NELL2: variants seen among roughly 807,000 people sequenced by gnomAD.
The protein encoded by NELL2 is protein kinase C-binding protein NELL2.
Under a neutral mutation model 109.6 loss-of-function variants are expected in NELL2, and 41 were observed. The observed-to-expected ratio is 0.37, with a 90% CI of 0.29 to 0.49. NELL2 has a LOEUF of 0.49. NELL2 is among the 20% of genes least tolerant of loss of function. The pLI, the probability that NELL2 is intolerant of heterozygous loss-of-function variation, is 0.98. For missense variants in NELL2, 900 were observed against 1,008.3 expected (o/e 0.89, Z 1.45); for synonymous variants, 355 against 344.7 (o/e 1.03, Z -0.33).
chr12:44,576,906 T>C (rs1220152583), intron 15 of NELL2, among the ~76,000 whole-genome samples: 1 of 148,346 alleles, frequency 6.7e-6, no homozygotes, highest in Non-Finnish European at 1.5e-5. Flanking sequence ...TAGTATTCCA[T>C]GGTGTATATG....
chr12:44,620,126 T>G (rs933015312), intron 13 of NELL2, among the ~76,000 whole-genome samples: 37 of 151,124 alleles, frequency 2.4e-4, no homozygotes, highest in Non-Finnish European at 3.5e-4. Flanking sequence ...GTTTTGTTTT[T>G]TTTTTTTTTT....
At chr12:44,723,229 C>G (rs531208896) in intron 9 of NELL2, among the ~76,000 whole-genome samples, 1 of 151,538 alleles carries the variant, frequency 6.6e-6, no homozygotes, top group Non-Finnish European at 1.5e-5. Flanking sequence ...GCATGCTAGA[C>G]GAGTTAAAAA....
chr12:44,704,327 C>T (rs199772496), intron 11 of NELL2, among the ~76,000 whole-genome samples: 2 of 105,554 alleles, frequency 1.9e-5, no homozygotes, highest in Non-Finnish European at 4.7e-5. Context: ...CCAAAAAAAA[C>T]AAAACCTTTC....
chr12:44,741,410 A>G (rs377041041), intron 9 of NELL2, among the ~76,000 whole-genome samples: 32 of 152,246 alleles, frequency 2.1e-4, no homozygotes, highest in African/African-American at 5.1e-4. Flanking sequence ...TGCATTTCCA[A>G]CTGAAGTACC....
At chr12:44,699,165 T>A (rs1389883039) in intron 12 of NELL2, among the ~76,000 whole-genome samples, 1 of 152,146 alleles carries the variant, frequency 6.6e-6, no homozygotes, top group Non-Finnish European at 1.5e-5. Context: ...TTATATGTAG[T>A]GACAAAATAC....
intron 9 of NELL2, among the ~76,000 whole-genome samples, chr12:44,746,179 C>A (rs1349422714): frequency 6.6e-6 from 1 of 152,056 alleles, no homozygotes; most frequent in African/African-American, 2.4e-5. Flanking sequence ...ACAAACCTGA[C>A]AAAAACAAGA....
chr12:44,783,972 C>T (rs936225971), intron 3 of NELL2, among the ~76,000 whole-genome samples: 1 of 151,934 alleles, frequency 6.6e-6, no homozygotes, highest in African/African-American at 2.4e-5. Context: ...CAATGATATA[C>T]CATAATCAAG....
chr12:44,703,379 C>G (rs1346455149), intron 12 of NELL2, among the ~76,000 whole-genome samples: 1 of 152,098 alleles, frequency 6.6e-6, no homozygotes, highest in Non-Finnish European at 1.5e-5. Context: ...TTACACAACA[C>G]TGTCTGGAAA....
intron 8 of NELL2, among the ~76,000 whole-genome samples, chr12:44,775,236 C>T (rs571434079): frequency 6.7e-6 from 1 of 148,646 alleles, no homozygotes; most frequent in Admixed American, 6.6e-5. Flanking sequence ...CGCACACACA[C>T]ATGCATGTGC....
chr12:44,711,994 G>A (rs1566216085), intron 10 of NELL2, among the ~76,000 whole-genome samples: 1 of 151,994 alleles, frequency 6.6e-6, no homozygotes, highest in Non-Finnish European at 1.5e-5. Flanking sequence ...TAAAATCACT[G>A]TAGTTCTTGC....
At chr12:44,906,529 T>C (rs184974856) in intron 1 of NELL2, among the ~76,000 whole-genome samples, 51 of 152,076 alleles carry the variant, frequency 3.4e-4, no homozygotes, top group Admixed American at 1.3e-3. Flanking sequence ...TGGGTAGATA[T>C]GGTGAGAAGT....
At chr12:44,521,508 C>T (rs1343341405) in intron 18 of NELL2, among the ~76,000 whole-genome samples, 3 of 136,562 alleles carry the variant, frequency 2.2e-5, no homozygotes, top group East Asian at 2.0e-4. Context: ...CCAGCCTGGG[C>T]GACAGAGCGA....
At chr12:44,918,517 A>ATATGTG (rs748382812), upstream of NELL2, among the ~76,000 whole-genome samples, 1 of 123,884 alleles carries the variant, frequency 8.1e-6, no homozygotes, top group Non-Finnish European at 1.7e-5. Flanking sequence ...GCATGCATGT[A>ATATGTG]TGTGTGTGTG....
At chr12:44,762,150 A>G (rs1375444534) in intron 9 of NELL2, among the ~76,000 whole-genome samples, 8 of 152,134 alleles carry the variant, frequency 5.3e-5, no homozygotes, top group Non-Finnish European at 1.0e-4. Context: ...TTTATTCCAG[A>G]CTCCAGGCTC....
chr12:44,561,765 A>G (rs1046195202), intron 15 of NELL2, among the ~76,000 whole-genome samples: 7 of 152,240 alleles, frequency 4.6e-5, no homozygotes, highest in African/African-American at 1.7e-4. Flanking sequence ...TATAGATTCA[A>G]TGCTGTCCCC....
At chr12:44,640,222 T>A (rs1451916850) in intron 13 of NELL2, among the ~76,000 whole-genome samples, 1 of 152,152 alleles carries the variant, frequency 6.6e-6, no homozygotes, top group Non-Finnish European at 1.5e-5. Flanking sequence ...TTTAAATTTA[T>A]TGCACACTTG....
At chr12:44,588,387 T>G (rs934228552) in intron 15 of NELL2, among the ~76,000 whole-genome samples, 1 of 152,030 alleles carries the variant, frequency 6.6e-6, no homozygotes, top group African/African-American at 2.4e-5. Context: ...GCCAAGGCTG[T>G]GGGGGTCTGT....
intron 1 of NELL2, among the ~76,000 whole-genome samples, chr12:44,909,275 A>G (rs1354336517): frequency 6.6e-6 from 1 of 151,962 alleles, no homozygotes; most frequent in Non-Finnish European, 1.5e-5. Context: ...TAACATTCCT[A>G]TATACCAATA....
At chr12:44,776,214 C>A in intron 7 of NELL2, 64 bp from the exon 8 acceptor site, 2 of 1,567,664 alleles carry the variant, frequency 1.3e-6, no homozygotes, top group Non-Finnish European at 8.7e-7. Context: ...ATGTGAAACA[C>A]TCCGCAGGTA....
Sources: gnomAD v4.1 joint callset for allele counts (sites outside exome capture counted in the v4.1 genomes callset) on GRCh38, gnomAD v4.1.1 for gene constraint, MANE v1.5 for transcripts, NCBI Gene and HGNC (gene_info 2026-07-23, HGNC 2026-07-21) for gene names.